DMD: variants seen among roughly 807,000 people sequenced by gnomAD.
The protein encoded by DMD is mutant dystrophin.
Under a neutral mutation model 330.1 loss-of-function variants are expected in DMD, and 63 were observed. The ratio of observed to expected loss-of-function variants is 0.19; its 90% CI spans 0.16 to 0.24. DMD has a LOEUF of 0.24. Among genes scored for constraint, DMD ranks in the 10% least tolerant of loss-of-function variants. The pLI, the probability that DMD is intolerant of heterozygous loss-of-function variation, is 1.00. For missense variants in DMD, 3,344 were observed against 2,684.1 expected, an observed-to-expected ratio of 1.25 and a Z score of -5.43; for synonymous variants, 1,223 against 959.8, an observed-to-expected ratio of 1.27 and a Z score of -5.07.
intron 2 of DMD, among the ~76,000 whole-genome samples, chrX:33,001,494 T>C (rs2093276780): frequency 1.8e-5 from 2 of 111,773 alleles, no homozygotes; most frequent in South Asian, 7.5e-4. Flanking sequence ...AAAACACTCA[T>C]GAACCATCCT....
At chrX:32,680,634 T>C (rs944131416) in intron 9 of DMD, among the ~76,000 whole-genome samples, 3 of 112,449 alleles carry the variant, frequency 2.7e-5, no homozygotes, top group African/African-American at 9.7e-5. Flanking sequence ...AAAAGACTCA[T>C]ATATTTAATA....
chrX:31,334,874 A>G (rs2057337989), intron 61 of DMD, among the ~76,000 whole-genome samples: 1 of 111,290 alleles, frequency 9.0e-6, no homozygotes, highest in Admixed American at 9.6e-5. Context: ...TGCTATTAAT[A>G]TTTCTCAAAC....
At chrX:31,191,451 C>A (rs2042347184) in intron 67 of DMD, among the ~76,000 whole-genome samples, 1 of 111,538 alleles carries the variant, frequency 9.0e-6, no homozygotes, top group African/African-American at 3.3e-5. Flanking sequence ...TGAATTATAA[C>A]TCCCACAATT....
chrX:32,538,787 C>T (rs201230759), intron 17 of DMD, among the ~76,000 whole-genome samples: 5 of 111,262 alleles, frequency 4.5e-5, no homozygotes, highest in South Asian at 3.9e-4. Flanking sequence ...GTGACTCCGA[C>T]GCATGCTGAA....
At chrX:32,850,530 T>C (rs1351263931) in intron 2 of DMD, among the ~76,000 whole-genome samples, 2 of 111,957 alleles carry the variant, frequency 1.8e-5, no homozygotes, top group South Asian at 3.7e-4. Context: ...AGATTAGCAG[T>C]AACATACTTA....
At chrX:32,873,993 C>T (rs1159508529) in intron 2 of DMD, among the ~76,000 whole-genome samples, 1 of 111,772 alleles carries the variant, frequency 8.9e-6, no homozygotes, top group East Asian at 2.8e-4. Flanking sequence ...AGTGCAGACT[C>T]GTGTGAGGTC....
At chrX:31,731,823 A>G (rs2086528323) in intron 51 of DMD, among the ~76,000 whole-genome samples, 1 of 111,466 alleles carries the variant, frequency 9.0e-6, no homozygotes, top group Non-Finnish European at 1.9e-5. Flanking sequence ...ACTGTTTGCT[A>G]TACTTTTTTC....
chrX:32,832,657 A>G (rs1173959580), intron 4 of DMD, among the ~76,000 whole-genome samples: 3 of 111,950 alleles, frequency 2.7e-5, no homozygotes, highest in Non-Finnish European at 5.7e-5. Context: ...AATACAGGAA[A>G]GGCAAAGTAG....
intron 44 of DMD, among the ~76,000 whole-genome samples, chrX:31,998,622 C>T (rs2095605473): frequency 8.9e-6 from 1 of 111,808 alleles, no homozygotes; most frequent in Non-Finnish European, 1.9e-5. Flanking sequence ...TCACAGTCCA[C>T]AGTTCAGCTT....
intron 2 of DMD, among the ~76,000 whole-genome samples, chrX:32,917,437 A>G (rs753069464): frequency 4.7e-4 from 53 of 112,041 alleles, no homozygotes; most frequent in African/African-American, 1.5e-3. Context: ...TATATCTTAG[A>G]TATTTTGGAA....
intron 33 of DMD, among the ~76,000 whole-genome samples, chrX:32,384,629 TC>T (rs2097946143): frequency 9.0e-6 from 1 of 110,900 alleles, no homozygotes; most frequent in Admixed American, 9.6e-5. Flanking sequence ...AAATTTACTT[TC>T]TATGGTAAGG....
At chrX:32,482,578 G>C (rs918856946) in intron 21 of DMD, among the ~76,000 whole-genome samples, 7 of 111,427 alleles carry the variant, frequency 6.3e-5, no homozygotes, top group Non-Finnish European at 3.8e-5. Flanking sequence ...TTTCTTCTAC[G>C]TTTTGGCTAT....
intron 63 of DMD, among the ~76,000 whole-genome samples, chrX:31,235,443 T>C (rs1482486152): frequency 2.7e-5 from 3 of 112,315 alleles, no homozygotes; most frequent in African/African-American, 9.7e-5. Flanking sequence ...AAATGACTGA[T>C]GTAACTAATT....
intron 6 of DMD, among the ~76,000 whole-genome samples, chrX:32,812,887 G>A (rs2077472616): frequency 9.0e-6 from 1 of 111,593 alleles, no homozygotes; most frequent in Admixed American, 9.5e-5. Flanking sequence ...TGCGCACTCT[G>A]CCTTATCTTC....
intron 55 of DMD, among the ~76,000 whole-genome samples, chrX:31,511,235 T>TATATA (rs780455382): frequency 5.6e-4 from 58 of 102,681 alleles, no homozygotes; most frequent in South Asian, 1.6e-3. Context: ...ATATACATTA[T>TATATA]ACATAATATA....
intron 1 of DMD, among the ~76,000 whole-genome samples, chrX:33,259,417 T>C (rs988365696): frequency 9.1e-6 from 1 of 110,406 alleles, no homozygotes; most frequent in African/African-American, 3.3e-5. Context: ...TCCACCACTA[T>C]AGAATCATAC....
rs367708789 is a variant in DMD, at chrX:32,362,512, T to G, written c.5325+276A>C. Among the ~76,000 whole-genome samples, 100 of 111,466 alleles carry G rather than the reference T, an allele frequency of 9.0e-4. 1 individual carries two copies. In the South Asian group the frequency reaches 0.025, roughly 28 times the overall value. On this transcript the variant is annotated intron_variant, in intron 37 of 78. Coordinates refer to ENST00000357033, the MANE Select transcript of DMD (RefSeq NM_004006.3). ...TGTAGGTGACCCCTGAAAGTACGTA[T>G]GTAAACTGCAGCATAGAATGCAGTC...
intron 17 of DMD, among the ~76,000 whole-genome samples, chrX:32,529,396 T>A (rs112348506): frequency 1.5e-5 from 1 of 64,932 alleles, no homozygotes; most frequent in African/African-American, 5.8e-5. Context: ...TTTTTTTTTT[T>A]TTTTTTTTTT....
chrX:32,360,117 G>A (rs752540654), intron 37 of DMD, among the ~76,000 whole-genome samples: 1 of 111,087 alleles, frequency 9.0e-6, no homozygotes, highest in African/African-American at 3.3e-5. Context: ...TCTCTCTGCC[G>A]AGATCATCTC....
Sources: gnomAD v4.1 joint callset for allele counts (sites outside exome capture counted in the v4.1 genomes callset) on GRCh38, gnomAD v4.1.1 for gene constraint, MANE v1.5 for transcripts, NCBI Gene and HGNC (gene_info 2026-07-23, HGNC 2026-07-21) for gene names.